CDH8: variants seen among roughly 807,000 people sequenced by gnomAD.
CDH8 encodes the protein cadherin 8.
In CDH8, 17 loss-of-function variants were observed where a neutral mutation model predicts 68.1. The ratio of observed to expected loss-of-function variants is 0.25; its 90% CI spans 0.17 to 0.37. The LOEUF (loss-of-function observed/expected upper bound fraction) is 0.37. CDH8 is among the 10% of genes least tolerant of loss of function. The pLI is 1.00. For synonymous variants in CDH8, 372 were observed against 365.1 expected, an observed-to-expected ratio of 1.02 and a Z score of -0.21; for missense variants, 763 against 999.3, an observed-to-expected ratio of 0.76 and a Z score of 3.19.
chr16:61,665,620 T>G (rs1284050337), intron 10 of CDH8, among the ~76,000 whole-genome samples: 1 of 151,810 alleles, frequency 6.6e-6, no homozygotes. Context: ...TGTATATCTA[T>G]GCAACAAACC....
chr16:61,831,158 T>C (rs919999969), intron 4 of CDH8, among the ~76,000 whole-genome samples: 1 of 151,806 alleles, frequency 6.6e-6, no homozygotes, highest in East Asian at 1.9e-4. Flanking sequence ...CAAATGATTA[T>C]ATTTTAGAAG....
intron 2 of CDH8, among the ~76,000 whole-genome samples, chr16:61,984,233 G>A (rs892893560): frequency 8.6e-5 from 13 of 152,010 alleles, no homozygotes; most frequent in African/African-American, 3.1e-4. Flanking sequence ...TTTTAATAAG[G>A]GCACTAACCC....
intron 2 of CDH8, among the ~76,000 whole-genome samples, chr16:62,005,729 C>T (rs1271497856): frequency 3.0e-5 from 3 of 99,692 alleles, no homozygotes; most frequent in Admixed American, 1.3e-4. Context: ...GACTAGACTT[C>T]GTCTTAAAAA....
intron 8 of CDH8, among the ~76,000 whole-genome samples, chr16:61,771,989 C>A (rs1432040743): frequency 2.0e-5 from 3 of 151,932 alleles, no homozygotes; most frequent in African/African-American, 4.8e-5. Flanking sequence ...GAACAGACTT[C>A]AGCATCATTC....
intron 2 of CDH8, among the ~76,000 whole-genome samples, chr16:61,974,320 C>A (rs1427845571): frequency 6.6e-6 from 1 of 152,096 alleles, no homozygotes; most frequent in Non-Finnish European, 1.5e-5. Context: ...CTGGTCTTAC[C>A]ATGCAAATGG....
intron 4 of CDH8, among the ~76,000 whole-genome samples, chr16:61,837,591 CA>C (rs1413505815): frequency 2.6e-5 from 4 of 151,980 alleles, no homozygotes; most frequent in Non-Finnish European, 5.9e-5. Flanking sequence ...GAGGGCAGGG[CA>C]CTATATTGCA....
At chr16:61,824,898 A>T (rs893837347) in intron 5 of CDH8, 114 bp downstream of exon 5, 3 of 858,900 alleles carry the variant, frequency 3.5e-6, no homozygotes, top group African/African-American at 3.5e-5. Context: ...CCTGGCACAT[A>T]ATAAGCCACT....
At chr16:61,951,680 T>A (rs780287936) in intron 2 of CDH8, among the ~76,000 whole-genome samples, 2 of 152,144 alleles carry the variant, frequency 1.3e-5, no homozygotes, top group Non-Finnish European at 2.9e-5. Flanking sequence ...TATACTGAAG[T>A]CAAAAGCCTG....
chr16:61,655,833 C>A, intron 10 of CDH8, 112 bp from the exon 11 acceptor site: 4 of 848,752 alleles, frequency 4.7e-6, no homozygotes, highest in Middle Eastern at 3.6e-4. Context: ...ATCCCGACTT[C>A]AAAGGACTGC....
chr16:61,800,599 C>T (rs1158247492), intron 7 of CDH8, among the ~76,000 whole-genome samples: 4 of 152,136 alleles, frequency 2.6e-5, no homozygotes, highest in African/African-American at 4.8e-5. Context: ...GTGTGAACCT[C>T]GGTAGATCAT....
chr16:61,656,105 C>T (rs1004433307), intron 10 of CDH8, among the ~76,000 whole-genome samples: 1 of 152,074 alleles, frequency 6.6e-6, no homozygotes, highest in African/African-American at 2.4e-5. Context: ...ATCTGCTGAC[C>T]TCGTGATCCA....
chr16:61,858,864 A>T (rs1333722940), intron 3 of CDH8, among the ~76,000 whole-genome samples: 1 of 152,176 alleles, frequency 6.6e-6, no homozygotes, highest in Non-Finnish European at 1.5e-5. Flanking sequence ...TGGCCCAAGC[A>T]GCTCCCTTCA....
At chr16:61,852,852 C>CTCTTCCTT (rs1555515257) in intron 4 of CDH8, among the ~76,000 whole-genome samples, 2 of 133,100 alleles carry the variant, frequency 1.5e-5, no homozygotes, top group Non-Finnish European at 3.1e-5. Context: ...CCTGACTCTG[C>CTCTTCCTT]CCTTCCTTCC....
intron 7 of CDH8, among the ~76,000 whole-genome samples, chr16:61,815,959 A>AT (rs373590656): frequency 1.4e-4 from 21 of 151,506 alleles, no homozygotes; most frequent in East Asian, 1.9e-4. Flanking sequence ...GCCAATGTAA[A>AT]TTTTTTTTTG....
chr16:61,983,784 A>T (rs893538840), intron 2 of CDH8, among the ~76,000 whole-genome samples: 1 of 152,208 alleles, frequency 6.6e-6, no homozygotes, highest in African/African-American at 2.4e-5. Flanking sequence ...CAAGATCAGG[A>T]TAACAGCATA....
chr16:61,837,607 G>A (rs1962594717), intron 4 of CDH8, among the ~76,000 whole-genome samples: 1 of 151,996 alleles, frequency 6.6e-6, no homozygotes, highest in Admixed American at 6.6e-5. Flanking sequence ...ATTGCAAGTT[G>A]CACAGGTGTA....
chr16:61,810,475 GGAGAGAGAGA>G (rs143810797), intron 7 of CDH8, among the ~76,000 whole-genome samples: 1 of 149,960 alleles, frequency 6.7e-6, no homozygotes. Context: ...TAGTCAGAGA[GGAGAGAGAGA>G]GAGAGAGAGA....
At chr16:61,961,757 T>C (rs1443151579) in intron 2 of CDH8, among the ~76,000 whole-genome samples, 1 of 152,222 alleles carries the variant, frequency 6.6e-6, no homozygotes, top group Non-Finnish European at 1.5e-5. Context: ...TGTGCCTCTA[T>C]ACCTAGAACA....
chr16:61,759,278 G>T (rs1231312765), intron 8 of CDH8, among the ~76,000 whole-genome samples: 1 of 152,086 alleles, frequency 6.6e-6, no homozygotes, highest in Non-Finnish European at 1.5e-5. Flanking sequence ...TTTACAGGCA[G>T]CATGCAGATT....
Sources: allele counts gnomAD v4.1 joint callset (sites outside exome capture counted in the v4.1 genomes callset), GRCh38; gene constraint gnomAD v4.1.1; transcripts MANE v1.5; gene names NCBI Gene and HGNC (gene_info 2026-07-23, HGNC 2026-07-21).